The following COG7 variants were observed in gnomAD, a reference collection of about 807,000 sequenced individuals.
COG7 encodes conserved oligomeric Golgi complex subunit 7.
A neutral mutation model predicts 91.5 loss-of-function variants in COG7; 49 were observed. That is an observed-to-expected ratio of 0.54 (90% CI 0.43 to 0.68). The LOEUF (loss-of-function observed/expected upper bound fraction) is 0.68. COG7 is among the 30% of genes least tolerant of loss of function. The probability of loss-of-function intolerance (pLI) is 0.00; values close to 1 mark genes in which losing one functional copy is unlikely to be tolerated. For missense variants in COG7, 895 were observed against 961.3 expected (o/e 0.93, Z 0.91); for synonymous variants, 365 against 388.7 (o/e 0.94, Z 0.72).
intron 1 of COG7, among the ~76,000 whole-genome samples, chr16:23,447,864 C>T (rs1488246438): frequency 6.6e-6 from 1 of 151,908 alleles, no homozygotes; most frequent in South Asian, 2.1e-4. Flanking sequence ...TACACCACTG[C>T]ACTCCAGCCT....
Position 23,393,293 on chromosome 16 carries a change from C to A in COG7, c.1942G>T (p.Glu648Ter). Residue 648 changes from glutamate to a stop codon, truncating the protein, a stop_gained, in exon 15 of 17, where the codon GAG becomes TAG. Coordinates refer to ENST00000307149, the MANE Select transcript of COG7 (RefSeq NM_153603.4). LOFTEE classifies it high-confidence loss of function. ...AATGCCAACTCTAAGGCAGAGTCCTCCTGAGTCACAAATGGCTCAAGATTC... is the reference window on the plus strand; with the variant it reads ...AATGCCAACTCTAAGGCAGAGTCCTACTGAGTCACAAATGGCTCAAGATTC... ...PLNLEPFVTQ[E>*]DSALELALHA... 6.2e-7 allele frequency: 1 copy of A among 1,614,170 alleles called. No individual in the cohort carries two copies. The highest frequency in any genetic ancestry group is 8.5e-7 in the Non-Finnish European group (1 of 1,180,028).
chr16:23,431,151 G>A (rs1470050603), intron 6 of COG7, among the ~76,000 whole-genome samples: 1 of 152,124 alleles, frequency 6.6e-6, no homozygotes, highest in Non-Finnish European at 1.5e-5. Context: ...GTAGGAGGTG[G>A]CTACATGGGT....
chr16:23,419,097 G>A (rs1175056819), intron 7 of COG7, among the ~76,000 whole-genome samples: 1 of 152,146 alleles, frequency 6.6e-6, no homozygotes, highest in East Asian at 1.9e-4. Context: ...CCACAAATAA[G>A]AATCCCTTCA....
At chr16:23,422,561 A>C (rs896349337) in intron 7 of COG7, among the ~76,000 whole-genome samples, 3 of 150,334 alleles carry the variant, frequency 2.0e-5, no homozygotes, top group Non-Finnish European at 4.4e-5. Context: ...GTAGATATTA[A>C]GTATATTAAT....
intron 1 of COG7, chr16:23,446,300 A>G (rs1235425701): frequency 2.5e-6 from 1 of 394,688 alleles, no homozygotes; most frequent in Admixed American, 4.0e-5. Flanking sequence ...TGCATACATC[A>G]TATTACTTAA....
chr16:23,413,838 A>T, intron 9 of COG7: 1 of 389,908 alleles, frequency 2.6e-6, no homozygotes, highest in South Asian at 2.3e-5. Context: ...CCAGGGAGCA[A>T]CCAGGTGAGA....
intron 10 of COG7, chr16:23,413,229 T>C (rs966339921): frequency 1.2e-5 from 6 of 501,694 alleles, no homozygotes; most frequent in Non-Finnish European, 2.2e-5. Flanking sequence ...TAAAGAACTT[T>C]TAAAAATATC....
chr16:23,417,355 T>A, intron 8 of COG7: 1 of 573,134 alleles, frequency 1.7e-6, no homozygotes. Flanking sequence ...AATGTCTGTC[T>A]ACTTGATCCT....
chr16:23,388,736 A>G lies in COG7; in HGVS notation c.*184T>C, dbSNP rs1321341184. 6.7e-6 allele frequency: 7 copies of G among 1,046,910 alleles called. No individual in the cohort carries two copies. Among genetic ancestry groups the G allele is most frequent in the Non-Finnish European group, 7.9e-6 (6 of 757,204 alleles). The allele number at this position is 1,046,910 out of a possible 1,614,324, so 64.9% of individuals were successfully genotyped here. A position where few individuals can be genotyped will look rare whatever the true frequency, so the allele number is the denominator to read the frequency against. ...AGGCTGGTCTCGAACTCCTGGCTTC[A>G]TGATCCATCTGGCTTGGCCTCCCAA... On this transcript the variant is annotated 3_prime_UTR_variant, in exon 17 of 17. Transcript: ENST00000307149.
At position 23,388,540 on chromosome 16, in the gene COG7, TA is replaced by T. The variant is rs918587775; in HGVS notation, c.*379del. ...ATTCCATTTTCAAGATCTGATCCTT[TA>T]AAAAAATTATCTAAAAAGTCTTCTC... On this transcript the variant is annotated 3_prime_UTR_variant, in exon 17 of 17. Transcript: ENST00000307149. 2.7e-5 allele frequency: 5 copies of T among 187,618 alleles called. No homozygotes were observed. The highest frequency in any genetic ancestry group is 1.7e-4 in the Admixed American group (3 of 18,176). The allele number at this position is 187,618 out of a possible 1,614,324, so 11.6% of individuals were successfully genotyped here.
In COG7 at chr16:23,388,859, T is replaced by C. The variant is rs1045472965; in HGVS notation, c.*61A>G. On this transcript the variant is annotated 3_prime_UTR_variant, in exon 17 of 17. Transcript: ENST00000307149. ...CTTGGGCAGAGTTTCTGAGCAAATC[T>C]GTGCTGGTGAGTCGCGAAACAGCAG... 3 of 1,611,584 alleles carry C rather than the reference T, an allele frequency of 1.9e-6. No homozygotes were observed. The South Asian group carries it at 3.3e-5, about 18-fold the overall frequency.
chr16:23,452,887 G>T lies in COG7; in HGVS notation c.108C>A (p.His36Gln). The change falls in exon 1 of 17, where the codon CAC becomes CAA. Residue 36 changes from histidine to glutamine, a missense_variant. Coordinates refer to ENST00000307149, the MANE Select transcript of COG7 (RefSeq NM_153603.4). ...GCAGCTTCATCACCAGGGTGGCTGCGTGGCCATCCGCCTTCCCGGACGCCG... is the reference window on the plus strand; with the variant it reads ...GCAGCTTCATCACCAGGGTGGCTGCTTGGCCATCCGCCTTCCCGGACGCCG... ...KEAASGKADG[H>Q]AATLVMKLQL... 1 of 1,614,000 alleles carries T rather than the reference G, an allele frequency of 6.2e-7. No homozygotes were observed. Among genetic ancestry groups the T allele is most frequent in the South Asian group, 1.1e-5 (1 of 91,082 alleles).
At chr16:23,389,868 G>A (rs1356185994) in intron 16 of COG7, 1 of 152,200 alleles carries the variant, frequency 6.6e-6, no homozygotes, top group African/African-American at 2.4e-5. Flanking sequence ...CACCAGGCAA[G>A]CTTGGGCAAA....
intron 4 of COG7, among the ~76,000 whole-genome samples, chr16:23,438,083 C>CA (rs34667957): frequency 2.2e-3 from 197 of 88,510 alleles, no homozygotes; most frequent in Middle Eastern, 7.4e-3. Context: ...GACTCCATCT[C>CA]AAAAAAAAAA....
intron 10 of COG7, 140 bp downstream of exon 10, chr16:23,413,308 G>A: frequency 1.4e-6 from 1 of 724,516 alleles, no homozygotes; most frequent in Non-Finnish European, 2.6e-6. Flanking sequence ...TTTAGAGTCT[G>A]GAGTATTTGC....
chr16:23,410,487 C>T (rs1016120717), intron 10 of COG7, 127 bp from the exon 11 acceptor site: 17 of 769,130 alleles, frequency 2.2e-5, no homozygotes, highest in Admixed American at 8.0e-5. Flanking sequence ...CTGGGAAAGC[C>T]GTTAAACATC....
intron 6 of COG7, among the ~76,000 whole-genome samples, chr16:23,429,029 G>T (rs1218617786): frequency 6.6e-6 from 1 of 150,808 alleles, no homozygotes; most frequent in South Asian, 2.1e-4. Context: ...TCACTCTGTC[G>T]CCCAGACTGG....
chr16:23,393,126 A>C, intron 15 of COG7, 107 bp downstream of exon 15: 1 of 790,670 alleles, frequency 1.3e-6, no homozygotes, highest in Non-Finnish European at 2.2e-6. Flanking sequence ...TTAAAAAAAA[A>C]CAGGACTTGG....
intron 5 of COG7, 92 bp from the exon 6 acceptor site, chr16:23,433,759 G>T: frequency 6.6e-7 from 1 of 1,516,032 alleles, no homozygotes; most frequent in Non-Finnish European, 9.1e-7. Context: ...CGTAATCACG[G>T]ATTGCTCAAT....
Sources: allele counts gnomAD v4.1 joint callset (sites outside exome capture counted in the v4.1 genomes callset), GRCh38; gene constraint gnomAD v4.1.1; transcripts MANE v1.5; gene names NCBI Gene and HGNC (gene_info 2026-07-23, HGNC 2026-07-21).